Variants in LYPLAL1 observed in about 807,000 individuals in gnomAD.
LYPLAL1 encodes the protein lysophospholipase like 1.
A neutral mutation model predicts 19.7 loss-of-function variants in LYPLAL1; 23 were observed. The observed-to-expected ratio is 1.17, with a 90% CI of 0.84 to 1.65. LYPLAL1 has a LOEUF of 1.65. LYPLAL1 is among the 40% of genes most tolerant of loss of function. The pLI, the probability that LYPLAL1 is intolerant of heterozygous loss-of-function variation, is 0.00. For missense variants in LYPLAL1, 355 were observed against 279.4 expected, an observed-to-expected ratio of 1.27 and a Z score of -1.93; for synonymous variants, 119 against 96.3, an observed-to-expected ratio of 1.24 and a Z score of -1.38.
chr1:219,411,613 G>C, the LYPLAL1 span: 1 of 152,304 alleles, frequency 6.6e-6, no homozygotes, highest in Non-Finnish European at 1.5e-5. Context: ...CAACCCGCTC[G>C]GGTCCCCTTC....
chr1:219,423,405 G>A, the LYPLAL1 span, among the ~76,000 whole-genome samples: 9 of 152,154 alleles, frequency 5.9e-5, no homozygotes, highest in Non-Finnish European at 1.3e-4. Context: ...GAGGGTGAAT[G>A]TGTTTCGTTT....
chr1:219,223,913 A>G, the LYPLAL1 span, among the ~76,000 whole-genome samples: 15 of 152,016 alleles, frequency 9.9e-5, no homozygotes, highest in African/African-American at 3.6e-4. Flanking sequence ...TCTTAAAGGC[A>G]TAGTATTACT....
chr1:219,310,317 A>C, the LYPLAL1 span, among the ~76,000 whole-genome samples: 4 of 152,232 alleles, frequency 2.6e-5, no homozygotes, highest in African/African-American at 9.6e-5. Flanking sequence ...ATTTTCTCAC[A>C]TGCAGTCAGC....
chr1:219,415,747 G>T, the LYPLAL1 span, among the ~76,000 whole-genome samples: 1 of 152,190 alleles, frequency 6.6e-6, no homozygotes, highest in Non-Finnish European at 1.5e-5. Flanking sequence ...AAAATTCAAA[G>T]GCAAGTTGTC....
chr1:219,301,536 C>G, the LYPLAL1 span, among the ~76,000 whole-genome samples: 1 of 152,012 alleles, frequency 6.6e-6, no homozygotes, highest in Non-Finnish European at 1.5e-5. Flanking sequence ...TTTCAATAAA[C>G]CACAAAAAAA....
the LYPLAL1 span, among the ~76,000 whole-genome samples, chr1:219,399,204 A>G: frequency 2.0e-5 from 3 of 152,168 alleles, no homozygotes; most frequent in African/African-American, 7.2e-5. Context: ...GCACACAGTC[A>G]CACTGGTAGA....
the LYPLAL1 span, among the ~76,000 whole-genome samples, chr1:219,287,383 A>G: frequency 6.6e-6 from 1 of 152,346 alleles, no homozygotes. Context: ...TTGAAAAATC[A>G]TATTTTCCTC....
chr1:219,261,106 G>T, the LYPLAL1 span, among the ~76,000 whole-genome samples: 36,733 of 151,930 alleles, frequency 0.24, 4,637 homozygotes, highest in Non-Finnish European at 0.29. Context: ...AAAAGGCATC[G>T]CCTTAAATAT....
chr1:219,216,966 A>G (rs1246294399), downstream of LYPLAL1, among the ~76,000 whole-genome samples: 2 of 152,180 alleles, frequency 1.3e-5, no homozygotes, highest in East Asian at 3.9e-4. Context: ...AGTAGAATTA[A>G]TTTGGACCCC....
chr1:219,238,278 C>G, the LYPLAL1 span, among the ~76,000 whole-genome samples: 7 of 148,702 alleles, frequency 4.7e-5, no homozygotes, highest in East Asian at 9.9e-4. Context: ...GCTGGGACTA[C>G]AGGCACCCGC....
At chr1:219,191,092 A>T (rs532020370) in intron 2 of LYPLAL1, among the ~76,000 whole-genome samples, 4 of 151,786 alleles carry the variant, frequency 2.6e-5, no homozygotes, top group African/African-American at 9.6e-5. Context: ...AAATGGTAAC[A>T]TTTTAATGTA....
intron 1 of LYPLAL1, among the ~76,000 whole-genome samples, chr1:219,177,593 C>G (rs1401511591): frequency 6.6e-6 from 1 of 152,154 alleles, no homozygotes; most frequent in African/African-American, 2.4e-5. Context: ...TTACTCCGGC[C>G]AAAAGCCTGT....
the LYPLAL1 span, among the ~76,000 whole-genome samples, chr1:219,398,416 C>A: frequency 6.6e-6 from 1 of 152,158 alleles, no homozygotes; most frequent in Admixed American, 6.5e-5. Flanking sequence ...TGGTTACATT[C>A]TTTTCTATAC....
chr1:219,313,830 G>A, the LYPLAL1 span, among the ~76,000 whole-genome samples: 1 of 151,980 alleles, frequency 6.6e-6, no homozygotes, highest in Admixed American at 6.6e-5. Context: ...CCACCCACCC[G>A]GCCTTTAAAC....
chr1:219,414,641 T>C, the LYPLAL1 span, among the ~76,000 whole-genome samples: 1 of 152,222 alleles, frequency 6.6e-6, no homozygotes, highest in Non-Finnish European at 1.5e-5. Context: ...TCGCTTTTAT[T>C]TCGTGGTTTT....
rs574813970 is a variant in LYPLAL1, at chr1:219,196,372, A to G, written c.361+3121A>G. On this transcript the variant is annotated intron_variant, in intron 3 of 4. Coordinates refer to ENST00000366928, the MANE Select transcript of LYPLAL1 (RefSeq NM_138794.5). ...AAAATTCAAAAATTCTTGAATTTTTAATAATTGCCACTCAGACTGGTATGA... is the reference window on the plus strand; with the variant it reads ...AAAATTCAAAAATTCTTGAATTTTTGATAATTGCCACTCAGACTGGTATGA... Among the ~76,000 whole-genome samples, 14 of 152,322 alleles carry G rather than the reference A, an allele frequency of 9.2e-5. No individual in the cohort carries two copies. The East Asian group carries it at 2.1e-3, about 23-fold the overall frequency.
the LYPLAL1 span, among the ~76,000 whole-genome samples, chr1:219,353,499 A>G: frequency 6.6e-6 from 1 of 152,216 alleles, no homozygotes; most frequent in African/African-American, 2.4e-5. Context: ...TGGAATGTAG[A>G]CACTTTCTAG....
At chr1:219,195,504 A>T (rs1657529300) in intron 3 of LYPLAL1, among the ~76,000 whole-genome samples, 1 of 152,080 alleles carries the variant, frequency 6.6e-6, no homozygotes, top group African/African-American at 2.4e-5. Context: ...ATGAGTGTGT[A>T]TTGAAGAGTT....
At chr1:219,351,538 A>C in the LYPLAL1 span, among the ~76,000 whole-genome samples, 5 of 152,210 alleles carry the variant, frequency 3.3e-5, no homozygotes, top group Non-Finnish European at 7.4e-5. Context: ...ATAATAACCA[A>C]ATACTTCACC....
Sources: gnomAD v4.1 joint callset for allele counts (sites outside exome capture counted in the v4.1 genomes callset) on GRCh38, gnomAD v4.1.1 for gene constraint, MANE v1.5 for transcripts, NCBI Gene and HGNC (gene_info 2026-07-23, HGNC 2026-07-21) for gene names.